Variants in LUZP2 observed in about 807,000 individuals in gnomAD.
LUZP2 encodes leucine zipper protein 2.
In LUZP2, 52 loss-of-function variants were observed where a neutral mutation model predicts 51.6. That is an observed-to-expected ratio of 1.01 (90% CI 0.81 to 1.27). The LOEUF (loss-of-function observed/expected upper bound fraction) is 1.27, where lower values mean the gene tolerates loss of function less well. Among genes scored for constraint, LUZP2 ranks in the 50% most tolerant of loss-of-function variants. LUZP2 has a pLI of 0.00. For synonymous variants in LUZP2, 154 were observed against 137.3 expected, an observed-to-expected ratio of 1.12 and a Z score of -0.85; for missense variants, 436 against 395.4, an observed-to-expected ratio of 1.10 and a Z score of -0.87.
In LUZP2 at chr11:24,574,029, T is replaced by C. The variant is rs535799278; in HGVS notation, c.62+76724T>C. On this transcript the variant is annotated intron_variant, in intron 1 of 11. Coordinates refer to ENST00000336930, the MANE Select transcript of LUZP2 (RefSeq NM_001009909.4). Reference sequence around the variant, plus strand: ...TATCTCCTAATGCTGTGTTTTAATTTGTGCTTGAGGTCTTTTATTTTTCTT... The same window carrying C: ...TATCTCCTAATGCTGTGTTTTAATTCGTGCTTGAGGTCTTTTATTTTTCTT... Among the ~76,000 whole-genome samples, 27 of 152,024 alleles carry C rather than the reference T, an allele frequency of 1.8e-4. No homozygotes were observed. In the South Asian group the frequency reaches 3.5e-3, roughly 20 times the overall value.
At chr11:25,075,445 T>C (rs1473859702) in intron 10 of LUZP2, among the ~76,000 whole-genome samples, 2 of 152,178 alleles carry the variant, frequency 1.3e-5, no homozygotes, top group African/African-American at 2.4e-5. Context: ...TATTTTAAAA[T>C]TATTTATTAC....
At chr11:24,862,603 G>A (rs1851773191) in intron 5 of LUZP2, among the ~76,000 whole-genome samples, 1 of 152,180 alleles carries the variant, frequency 6.6e-6, no homozygotes, top group Non-Finnish European at 1.5e-5. Context: ...ACTGGATAAA[G>A]AGTCAAGATC....
intron 1 of LUZP2, among the ~76,000 whole-genome samples, chr11:24,582,810 C>T (rs750470463): frequency 2.0e-5 from 3 of 151,764 alleles, no homozygotes; most frequent in Non-Finnish European, 2.9e-5. Flanking sequence ...ATTTTTTGAA[C>T]ATGTGTCTCA....
intron 10 of LUZP2, among the ~76,000 whole-genome samples, chr11:25,071,442 C>A (rs535997908): frequency 6.6e-6 from 1 of 151,538 alleles, no homozygotes; most frequent in Non-Finnish European, 1.5e-5. Flanking sequence ...CTTTGTTGAT[C>A]GAGTTTAAAT....
intron 5 of LUZP2, among the ~76,000 whole-genome samples, chr11:24,769,786 C>CTTTTTTTTTT (rs1554988302): frequency 2.7e-5 from 4 of 146,950 alleles, no homozygotes; most frequent in African/African-American, 5.3e-5. Flanking sequence ...ACTAAATTCT[C>CTTTTTTTTTT]TTTTTTGTTT....
At chr11:24,559,757 A>G (rs559222879) in intron 1 of LUZP2, among the ~76,000 whole-genome samples, 1 of 152,332 alleles carries the variant, frequency 6.6e-6, no homozygotes, top group South Asian at 2.1e-4. Flanking sequence ...AGTGTGTTAG[A>G]TGATAGTTGA....
At chr11:24,933,357 G>A (rs1854507284) in intron 7 of LUZP2, among the ~76,000 whole-genome samples, 1 of 152,000 alleles carries the variant, frequency 6.6e-6, no homozygotes, top group South Asian at 2.1e-4. Context: ...CATTTTCGCT[G>A]GAATCTCAAA....
chr11:24,740,407 C>T (rs957048329), intron 4 of LUZP2, among the ~76,000 whole-genome samples: 3 of 152,248 alleles, frequency 2.0e-5, no homozygotes, highest in African/African-American at 7.2e-5. Flanking sequence ...AGCGTGCTGG[C>T]AGTGCCTTCC....
At chr11:24,858,095 CA>C (rs1048266687) in intron 5 of LUZP2, among the ~76,000 whole-genome samples, 7 of 152,086 alleles carry the variant, frequency 4.6e-5, no homozygotes, top group Non-Finnish European at 5.9e-5. Context: ...GAATTGTCCC[CA>C]GGGGGGAAGG....
rs183823657 is a variant in LUZP2 at position 24,882,980 on chromosome 11, A to G, written c.397-23011A>G. ...AAAGAAAGAGAAAGAAAGATGGAGG[A>G]AGGAAGGAAGGAAAGAAAAGAAAAG... is the stretch of plus-strand genomic sequence containing the variant. On this transcript the variant is annotated intron_variant, in intron 5 of 11. Transcript: ENST00000336930. Among the ~76,000 whole-genome samples, 1,014 of 150,574 alleles carry G rather than the reference A, an allele frequency of 6.7e-3. 15 individuals are homozygous for G. The highest frequency in any genetic ancestry group is 0.057 in the East Asian group (292 of 5,134).
intron 1 of LUZP2, among the ~76,000 whole-genome samples, chr11:24,645,731 T>G (rs1702191282): frequency 6.6e-6 from 1 of 152,070 alleles, no homozygotes; most frequent in East Asian, 1.9e-4. Context: ...TCAATTGCAG[T>G]AATATCTGGC....
intron 1 of LUZP2, among the ~76,000 whole-genome samples, chr11:24,648,953 T>C (rs922989171): frequency 6.6e-6 from 1 of 152,008 alleles, no homozygotes; most frequent in Admixed American, 6.6e-5. Context: ...AAGGAATTAA[T>C]TTTCAGTCCC....
intron 1 of LUZP2, among the ~76,000 whole-genome samples, chr11:24,501,845 T>C (rs1430925858): frequency 6.6e-6 from 1 of 152,226 alleles, no homozygotes; most frequent in African/African-American, 2.4e-5. Flanking sequence ...AACAAAATTT[T>C]ACACAAATTT....
At chr11:24,643,252 T>TAAAAAA (rs1855357109) in intron 1 of LUZP2, among the ~76,000 whole-genome samples, 1 of 16,642 alleles carries the variant, frequency 6.0e-5, no homozygotes, top group Non-Finnish European at 1.2e-4. Context: ...GTACTAAAAG[T>TAAAAAA]ACAAAAAAAA....
intron 4 of LUZP2, among the ~76,000 whole-genome samples, chr11:24,754,068 C>T (rs1260473250): frequency 6.6e-6 from 1 of 152,116 alleles, no homozygotes; most frequent in Non-Finnish European, 1.5e-5. Flanking sequence ...TTTTAATAAC[C>T]ATCTAAAGAT....
At chr11:24,663,412 T>C (rs1292155049) in intron 1 of LUZP2, among the ~76,000 whole-genome samples, 1 of 152,186 alleles carries the variant, frequency 6.6e-6, no homozygotes, top group African/African-American at 2.4e-5. Context: ...CCATGCTTCC[T>C]GTATAGCCTG....
At chr11:24,985,978 G>A (rs1369405995) in intron 9 of LUZP2, among the ~76,000 whole-genome samples, 1 of 151,706 alleles carries the variant, frequency 6.6e-6, no homozygotes, top group Non-Finnish European at 1.5e-5. Flanking sequence ...ATGGTTTTGT[G>A]TGTAAGCTAA....
intron 1 of LUZP2, among the ~76,000 whole-genome samples, chr11:24,503,257 T>C (rs138826919): frequency 1.3e-3 from 199 of 152,362 alleles, no homozygotes; most frequent in African/African-American, 4.7e-3. Flanking sequence ...TTTATTTTGC[T>C]ATAGATTACT....
Position 24,706,218 on chromosome 11 carries a change from T to G in LUZP2, c.63-22951T>G, listed in dbSNP as rs540458442. On this transcript the variant is annotated intron_variant, in intron 1 of 11. Coordinates refer to ENST00000336930, the MANE Select transcript of LUZP2 (RefSeq NM_001009909.4). Reference sequence around the variant, plus strand: ...ATAATGAAGATGATAATTTCCATTTTTTCTCATATATTGGCTAGGTGTGGG... The same window carrying G: ...ATAATGAAGATGATAATTTCCATTTGTTCTCATATATTGGCTAGGTGTGGG... Among the ~76,000 whole-genome samples, 7 of 152,344 alleles carry G rather than the reference T, an allele frequency of 4.6e-5. No individual in the cohort carries two copies. In the South Asian group the frequency reaches 1.5e-3, roughly 32 times the overall value.
Sources: gnomAD v4.1 joint callset for allele counts (sites outside exome capture counted in the v4.1 genomes callset) on GRCh38, gnomAD v4.1.1 for gene constraint, MANE v1.5 for transcripts, NCBI Gene and HGNC (gene_info 2026-07-23, HGNC 2026-07-21) for gene names.